SHISA9: variants seen among roughly 807,000 people sequenced by gnomAD.
The protein encoded by SHISA9 is protein shisa-9.
Under a neutral mutation model 38.0 loss-of-function variants are expected in SHISA9, and 13 were observed. The ratio of observed to expected loss-of-function variants is 0.34; its 90% confidence interval spans 0.22 to 0.54. SHISA9 has a LOEUF of 0.54. Among genes scored for constraint, SHISA9 ranks in the 20% least tolerant of loss-of-function variants. The pLI, the probability that SHISA9 is intolerant of heterozygous loss-of-function variation, is 0.91. For missense variants in SHISA9, 538 were observed against 575.8 expected (o/e 0.93, Z 0.67); for synonymous variants, 275 against 242.0 (o/e 1.14, Z -1.27).
chr16:13,550,516 C>T, the SHISA9 span, among the ~76,000 whole-genome samples: 8 of 152,098 alleles, frequency 5.3e-5, no homozygotes, highest in East Asian at 3.8e-4. Context: ...ACAGCTAAGC[C>T]GGGGATTTTT....
At chr16:13,310,536 T>C in the SHISA9 span, among the ~76,000 whole-genome samples, 1 of 152,138 alleles carries the variant, frequency 6.6e-6, no homozygotes, top group Non-Finnish European at 1.5e-5. Flanking sequence ...TCTAAGTCAA[T>C]AAGGTTAGGA....
intron 2 of SHISA9, among the ~76,000 whole-genome samples, chr16:13,122,421 A>C (rs1303435679): frequency 3.3e-5 from 5 of 152,172 alleles, no homozygotes; most frequent in Non-Finnish European, 7.3e-5. Flanking sequence ...AATGCAATAG[A>C]AAAAAATCTC....
At chr16:12,998,567 T>C (rs1286524328) in intron 2 of SHISA9, among the ~76,000 whole-genome samples, 1 of 152,190 alleles carries the variant, frequency 6.6e-6, no homozygotes, top group Non-Finnish European at 1.5e-5. Flanking sequence ...TCTCGCTCTG[T>C]TGGCTAGGCT....
chr16:13,461,591 AG>A, the SHISA9 span, among the ~76,000 whole-genome samples: 2 of 145,420 alleles, frequency 1.4e-5, no homozygotes, highest in South Asian at 2.2e-4. Context: ...AAAAAAAAAA[AG>A]ATTTATAGAC....
chr16:13,549,810 G>C, the SHISA9 span, among the ~76,000 whole-genome samples: 1 of 152,004 alleles, frequency 6.6e-6, no homozygotes, highest in African/African-American at 2.4e-5. Flanking sequence ...AGATCACAAG[G>C]TCAGGAGTTC....
the SHISA9 span, among the ~76,000 whole-genome samples, chr16:13,276,694 T>C: frequency 6.6e-6 from 1 of 152,168 alleles, no homozygotes; most frequent in Non-Finnish European, 1.5e-5. Context: ...TTCATATGTT[T>C]GTTGGCCATT....
intron 2 of SHISA9, among the ~76,000 whole-genome samples, chr16:13,117,440 G>A (rs981814795): frequency 5.9e-5 from 9 of 152,190 alleles, no homozygotes; most frequent in African/African-American, 1.9e-4. Context: ...TGGAACTTGT[G>A]CCTGTGACTT....
At chr16:13,072,123 C>T (rs563530922) in intron 2 of SHISA9, among the ~76,000 whole-genome samples, 17 of 152,236 alleles carry the variant, frequency 1.1e-4, no homozygotes, top group Admixed American at 2.0e-4. Context: ...CTTCAGTGCC[C>T]ATCAGTCTCC....
the SHISA9 span, among the ~76,000 whole-genome samples, chr16:13,302,993 G>C: frequency 6.6e-6 from 1 of 152,190 alleles, no homozygotes; most frequent in African/African-American, 2.4e-5. Context: ...ATGCGAAACT[G>C]TGAGTCAGTT....
the SHISA9 span, among the ~76,000 whole-genome samples, chr16:13,529,768 C>T: frequency 6.6e-6 from 1 of 152,224 alleles, no homozygotes; most frequent in Non-Finnish European, 1.5e-5. Flanking sequence ...ATCCACTTCC[C>T]TTTCTTTCTT....
chr16:13,222,669 G>A (rs921670252), intron 4 of SHISA9, among the ~76,000 whole-genome samples: 16 of 152,112 alleles, frequency 1.1e-4, no homozygotes, highest in Admixed American at 4.6e-4. Context: ...GGCAGCCACA[G>A]CATCTTCTCT....
intron 1 of SHISA9, among the ~76,000 whole-genome samples, chr16:12,905,401 A>T (rs1211364778): frequency 6.6e-6 from 1 of 152,088 alleles, no homozygotes; most frequent in African/African-American, 2.4e-5. Flanking sequence ...AGAGATTGTG[A>T]ATCAATAGGT....
chr16:13,141,485 G>C (rs1358776532), intron 2 of SHISA9, among the ~76,000 whole-genome samples: 1 of 151,990 alleles, frequency 6.6e-6, no homozygotes, highest in Non-Finnish European at 1.5e-5. Flanking sequence ...AAGAGATCGA[G>C]ACCATCCTGG....
chr16:13,369,298 T>G, the SHISA9 span, among the ~76,000 whole-genome samples: 1 of 152,128 alleles, frequency 6.6e-6, no homozygotes, highest in African/African-American at 2.4e-5. Context: ...GGCTACGAGA[T>G]TAGGAACACT....
intron 2 of SHISA9, among the ~76,000 whole-genome samples, chr16:13,130,551 CAG>C (rs1308342847): frequency 1.3e-5 from 2 of 152,188 alleles, no homozygotes; most frequent in African/African-American, 4.8e-5. Context: ...CAGAGCAACA[CAG>C]AGTTTCAGTG....
At chr16:13,036,748 G>GA (rs34283726) in intron 2 of SHISA9, among the ~76,000 whole-genome samples, 79,821 of 145,214 alleles carry the variant, frequency 0.55, 22,202 homozygotes, top group Middle Eastern at 0.64. Context: ...TTCAGAGGAG[G>GA]AAAAAAAAAA....
At chr16:12,973,132 C>A (rs886722855) in intron 2 of SHISA9, among the ~76,000 whole-genome samples, 21 of 152,120 alleles carry the variant, frequency 1.4e-4, no homozygotes, top group African/African-American at 4.6e-4. Context: ...CCGCTCCCCC[C>A]ACACAAAAAA....
intron 2 of SHISA9, among the ~76,000 whole-genome samples, chr16:13,188,716 CAA>C (rs35558481): frequency 6.7e-3 from 528 of 79,338 alleles, no homozygotes; most frequent in African/African-American, 0.022. Context: ...GACCCTGTTT[CAA>C]AAAAAAAAAA....
chr16:13,251,995 TA>T, the SHISA9 span, among the ~76,000 whole-genome samples: 2 of 152,180 alleles, frequency 1.3e-5, no homozygotes, highest in African/African-American at 4.8e-5. Flanking sequence ...ACCATGTAGG[TA>T]AAGAATTCTG....
Sources: allele counts gnomAD v4.1 joint callset (sites outside exome capture counted in the v4.1 genomes callset), GRCh38; gene constraint gnomAD v4.1.1; transcripts MANE v1.5; gene names NCBI Gene and HGNC (gene_info 2026-07-23, HGNC 2026-07-21).